Variants in CABIN1 observed in about 807,000 individuals in gnomAD.
CABIN1 encodes the protein calcineurin-binding protein cabin-1.
Under a neutral mutation model 227.7 loss-of-function variants are expected in CABIN1, and 133 were observed. The ratio of observed to expected loss-of-function variants is 0.58; its 90% CI spans 0.51 to 0.67. CABIN1 has a LOEUF of 0.67. Among genes scored for constraint, CABIN1 ranks in the 30% least tolerant of loss-of-function variants. CABIN1 has a pLI of 0.00. For synonymous variants in CABIN1, 1,086 were observed against 1,155.1 expected (o/e 0.94, Z 1.21); for missense variants, 2,408 against 2,852.5 (o/e 0.84, Z 3.55).
intron 29 of CABIN1, among the ~76,000 whole-genome samples, chr22:24,135,196 G>A (rs575528478): frequency 6.6e-6 from 1 of 151,970 alleles, no homozygotes; most frequent in Non-Finnish European, 1.5e-5. Context: ...TTCAAGACCA[G>A]CCTGGCCAAC....
Position 24,070,527 on chromosome 22 carries a change from T to A in CABIN1, c.2233-273T>A, listed in dbSNP as rs539113238. Among the ~76,000 whole-genome samples, 12 of 152,296 alleles carry A rather than the reference T, an allele frequency of 7.9e-5. 1 individual carries two copies. In the East Asian group the frequency reaches 2.3e-3, roughly 29 times the overall value. On this transcript the variant is annotated intron_variant, in intron 16 of 36. Transcript: ENST00000263119. ...TGGCTCTGCAGCCTCATTCCCAGCA[T>A]CCCCACTTTATAAATGGGGAAGTTG...
At chr22:24,071,469 G>A (rs1035173322) in intron 17 of CABIN1, among the ~76,000 whole-genome samples, 4 of 152,138 alleles carry the variant, frequency 2.6e-5, no homozygotes, top group Non-Finnish European at 1.5e-5. Context: ...CTTTAAGGCA[G>A]AGAATCTTCC....
At chr22:24,013,801 G>C (rs893220533) in intron 1 of CABIN1, among the ~76,000 whole-genome samples, 1 of 151,956 alleles carries the variant, frequency 6.6e-6, no homozygotes, top group African/African-American at 2.4e-5. Flanking sequence ...GTTTTCCTTG[G>C]CTTTGATGCT....
Position 24,064,097 on chromosome 22 carries a change from C to A in CABIN1, c.1947C>A (p.Thr649=). The A allele has an allele frequency of 1.2e-6, 2 of 1,614,106 alleles. No homozygotes were observed. Among genetic ancestry groups the A allele is most frequent in the Non-Finnish European group, 1.7e-6 (2 of 1,179,966 alleles). Residue 649 remains threonine, a synonymous_variant, in exon 15 of 37, where the codon ACC becomes ACA. Transcript: ENST00000263119. ...DICTEMLQSS[T]AIQVEAGAER... ...GCACAGAAATGCTCCAGAGTTCCAC[C>A]GCCATCCAGGTGGAGGCAGGGGCTG...
At chr22:24,121,453 A>G (rs969447417) in intron 28 of CABIN1, among the ~76,000 whole-genome samples, 1 of 152,196 alleles carries the variant, frequency 6.6e-6, no homozygotes, top group Non-Finnish European at 1.5e-5. Flanking sequence ...GCATGCTAGC[A>G]AACGATGGCC....
chr22:24,138,405 A>G (rs1036464692), intron 29 of CABIN1, among the ~76,000 whole-genome samples: 4 of 152,102 alleles, frequency 2.6e-5, no homozygotes, highest in Non-Finnish European at 4.4e-5. Flanking sequence ...GAGTCTTGCT[A>G]TATTGCCCAG....
chr22:24,176,760 C>T (rs1313297461), intron 35 of CABIN1, among the ~76,000 whole-genome samples: 1 of 152,202 alleles, frequency 6.6e-6, no homozygotes, highest in Non-Finnish European at 1.5e-5. Context: ...GGCCTCAGTC[C>T]GGCCTGTTCC....
chr22:24,053,078 C>CTTTTTTTTT (rs71184943), intron 8 of CABIN1, among the ~76,000 whole-genome samples: 5 of 131,278 alleles, frequency 3.8e-5, no homozygotes, highest in South Asian at 2.4e-4. Context: ...TTTCTTTTTT[C>CTTTTTTTTT]TTTTTTTTTT....
At position 24,148,244 on chromosome 22, in the gene CABIN1, A is replaced by G. The variant is rs190863586; in HGVS notation, c.4746+13829A>G. On this transcript the variant is annotated intron_variant, in intron 29 of 36. Transcript: ENST00000263119. Reference sequence around the variant, plus strand: ...ACCTCCCATGGCCCAGAGATGGACAATGTTTGAGCTGTTCCAATAGAAGAG... The same window carrying G: ...ACCTCCCATGGCCCAGAGATGGACAGTGTTTGAGCTGTTCCAATAGAAGAG... Among the ~76,000 whole-genome samples the G allele has an allele frequency of 1.4e-4, 21 of 152,334 alleles. 1 individual carries two copies. The highest frequency in any genetic ancestry group is 1.2e-3 in the Admixed American group (18 of 15,304).
Position 24,064,275 on chromosome 22 carries a change from G to A in CABIN1, c.2037+88G>A, listed in dbSNP as rs553654172. 1,159 of 1,386,102 alleles carry A rather than the reference G, an allele frequency of 8.4e-4. 3 individuals are homozygous for A. Among genetic ancestry groups the A allele is most frequent in the Non-Finnish European group, 9.7e-4 (955 of 985,892 alleles). The allele number at this position is 1,386,102 out of a possible 1,614,324, so 85.9% of individuals were successfully genotyped here. ...GGCTGGAGTGTAATAGTGCAATCTC[G>A]GCTCACTGCAACCTACACCTCTGGG... On this transcript the variant is annotated intron_variant, in intron 15 of 36. Coordinates refer to ENST00000263119, the MANE Select transcript of CABIN1 (RefSeq NM_012295.4).
intron 1 of CABIN1, among the ~76,000 whole-genome samples, chr22:24,034,567 A>C (rs1003142032): frequency 1.3e-5 from 2 of 152,304 alleles, no homozygotes; most frequent in Admixed American, 1.3e-4. Flanking sequence ...CTCTGTGAAC[A>C]TTCATGAACA....
In CABIN1 at chr22:24,083,217, G is replaced by A. The variant is rs1424500401; in HGVS notation, c.2749-11G>A. ...GCCCTCACCTCAGGCCATCTCTTCTGCCCACCACAGGTGCGAGTACTCCAG... is the reference window on the plus strand; with the variant it reads ...GCCCTCACCTCAGGCCATCTCTTCTACCCACCACAGGTGCGAGTACTCCAG... On this transcript the variant is annotated splice_polypyrimidine_tract_variant and intron_variant, in intron 19 of 36. Coordinates refer to ENST00000263119, the MANE Select transcript of CABIN1 (RefSeq NM_012295.4). 1 of 1,611,880 alleles carries A rather than the reference G, an allele frequency of 6.2e-7. No homozygotes were observed. Among genetic ancestry groups the A allele is most frequent in the Non-Finnish European group, 8.5e-7 (1 of 1,179,916 alleles).
chr22:24,127,343 G>C (rs1477727541), intron 28 of CABIN1, among the ~76,000 whole-genome samples: 1 of 152,204 alleles, frequency 6.6e-6, no homozygotes, highest in African/African-American at 2.4e-5. Flanking sequence ...TTCAAGGAGT[G>C]AGTGCTCTGA....
At chr22:24,167,397 C>A in intron 32 of CABIN1, 84 bp downstream of exon 32, 1 of 1,362,506 alleles carries the variant, frequency 7.3e-7, no homozygotes, top group South Asian at 1.3e-5. Flanking sequence ...GAGGGTCTCC[C>A]AGGCCTGCCC....
intron 15 of CABIN1, among the ~76,000 whole-genome samples, chr22:24,065,460 A>G (rs1393988103): frequency 6.6e-6 from 1 of 151,524 alleles, no homozygotes; most frequent in East Asian, 1.9e-4. Flanking sequence ...GGCCGGGCAG[A>G]GACGCTCCTT....
Position 24,083,240 on chromosome 22 carries a change from C to G in CABIN1, c.2761C>G (p.Gln921Glu), listed in dbSNP as rs12166151. 35,920 of 1,612,300 alleles carry G rather than the reference C, an allele frequency of 0.022. 724 individuals carry two copies. The highest frequency in any genetic ancestry group is 0.1 in the African/African-American group (7,633 of 74,934). The change falls in exon 20 of 37, where the codon CAG becomes GAG. Residue 921 changes from glutamine to glutamate, a missense_variant. Coordinates refer to ENST00000263119, the MANE Select transcript of CABIN1 (RefSeq NM_012295.4). The stretch of plus-strand genomic sequence containing the variant: ...CTGCCCACCACAGGTGCGAGTACTC[C>G]AGAAGGAACTGGCTGCATCCACCTC... ...ALLRFYVRVL[Q>E]KELAASTSED...
intron 8 of CABIN1, 122 bp from the exon 9 acceptor site, chr22:24,054,751 C>G: frequency 2.5e-6 from 3 of 1,219,380 alleles, no homozygotes; most frequent in East Asian, 2.3e-5. Context: ...TCCCCCACCC[C>G]CATGGACATG....
At chr22:24,076,342 G>A (rs1601938175) in intron 19 of CABIN1, 58 bp downstream of exon 19, 1 of 1,407,180 alleles carries the variant, frequency 7.1e-7, no homozygotes, top group Non-Finnish European at 1.0e-6. Flanking sequence ...GGGGTGGGAG[G>A]TGGAATGGGA....
chr22:24,054,966 G>A lies in CABIN1; in HGVS notation c.900G>A (p.Leu300=), dbSNP rs1286048324. The change falls in exon 9 of 37, where the codon TTG becomes TTA. Residue 300 remains leucine (L), a synonymous_variant. Coordinates refer to ENST00000263119, the MANE Select transcript of CABIN1 (RefSeq NM_012295.4). ...CCAGCCTTGGCAAAAGGATTGATTT[G>A]TCGGACTACCAGGACCCCAGCCAGC... The part of the protein sequence containing the change: ...PRPSLGKRID[L]SDYQDPSQPL... The A allele has an allele frequency of 2.5e-6, 4 of 1,614,112 alleles. No individual in the cohort carries two copies. The East Asian group carries it at 8.9e-5, about 36-fold the overall frequency.
Sources: allele counts gnomAD v4.1 joint callset (sites outside exome capture counted in the v4.1 genomes callset), GRCh38; gene constraint gnomAD v4.1.1; transcripts MANE v1.5; gene names NCBI Gene and HGNC (gene_info 2026-07-23, HGNC 2026-07-21).